PDE11A: variants seen among roughly 807,000 people sequenced by gnomAD.
PDE11A encodes phosphodiesterase 11A.
In PDE11A, 100 loss-of-function variants were observed where a neutral mutation model predicts 100.5. That is an observed-to-expected ratio of 1.00 (90% CI 0.85 to 1.18). PDE11A has a LOEUF of 1.18. PDE11A is among the 50% of genes most tolerant of loss of function. The probability of loss-of-function intolerance (pLI) is 0.00; values close to 1 mark genes in which losing one functional copy is unlikely to be tolerated. For missense variants in PDE11A, 1,141 were observed against 1,152.6 expected (o/e 0.99, Z 0.15); for synonymous variants, 381 against 420.8 (o/e 0.91, Z 1.16).
At chr2:177,994,139 C>T (rs1051333592) in intron 2 of PDE11A, among the ~76,000 whole-genome samples, 2 of 151,960 alleles carry the variant, frequency 1.3e-5, no homozygotes, top group African/African-American at 4.8e-5. Context: ...CTATGTTGGG[C>T]GGGCTGGTCT....
intron 10 of PDE11A, among the ~76,000 whole-genome samples, chr2:177,743,773 G>A (rs563009148): frequency 6.6e-6 from 1 of 152,236 alleles, no homozygotes; most frequent in Admixed American, 6.5e-5. Flanking sequence ...GTAGGGAGTG[G>A]GGTAGAGTAA....
intron 9 of PDE11A, among the ~76,000 whole-genome samples, chr2:177,788,604 G>T (rs1246650221): frequency 1.3e-5 from 2 of 151,758 alleles, no homozygotes; most frequent in South Asian, 2.1e-4. Context: ...CCAGGAGCTG[G>T]TTTTTTCAAA....
chr2:178,092,876 C>A (rs562688683), intron 2 of PDE11A: 1 of 152,330 alleles, frequency 6.6e-6, no homozygotes, highest in East Asian at 1.9e-4. Context: ...GCTGGGATTA[C>A]AGGTGTGAGC....
chr2:177,629,441 G>T lies in PDE11A; in HGVS notation c.2768C>A (p.Ala923Asp), dbSNP rs1234600330. Residue 923 changes from alanine (A) to aspartate (D), a missense_variant, in exon 20 of 20, where the codon GCC becomes GAC. Ala to Asp is a moderately radical substitution (Grantham distance 126). Coordinates refer to ENST00000286063, the MANE Select transcript of PDE11A (RefSeq NM_016953.4). ...GTCTTCCTTGGCTACCATAACACTG[G>T]CAGGGGAGGATGAGGCAGTTGAGGC... is the stretch of plus-strand genomic sequence containing the variant. ...LLASTASSSP[A>D]SVMVAKEDRN 6.5e-7 allele frequency: 1 copy of T among 1,549,034 alleles called. No homozygotes were observed. Among genetic ancestry groups the T allele is most frequent in the Non-Finnish European group, 8.8e-7 (1 of 1,142,680 alleles).
intron 2 of PDE11A, among the ~76,000 whole-genome samples, chr2:177,910,138 G>A (rs1257556944): frequency 6.6e-6 from 1 of 152,138 alleles, no homozygotes; most frequent in Non-Finnish European, 1.5e-5. Context: ...TGCACACTGA[G>A]AGAGAATCTT....
chr2:177,814,422 G>A (rs2105575716), intron 9 of PDE11A, among the ~76,000 whole-genome samples: 1 of 152,216 alleles, frequency 6.6e-6, no homozygotes, highest in Non-Finnish European at 1.5e-5. Context: ...TCTTGCACAT[G>A]GATTCCTAGG....
At chr2:177,771,653 G>A (rs1053651766) in intron 9 of PDE11A, among the ~76,000 whole-genome samples, 2 of 152,142 alleles carry the variant, frequency 1.3e-5, no homozygotes, top group Admixed American at 6.5e-5. Flanking sequence ...TGTATTATAA[G>A]ATCTGCAGCA....
At chr2:177,861,768 T>C (rs2083949773) in intron 5 of PDE11A, among the ~76,000 whole-genome samples, 1 of 151,894 alleles carries the variant, frequency 6.6e-6, no homozygotes, top group Non-Finnish European at 1.5e-5. Flanking sequence ...AACCTATATA[T>C]CTATGGTCAA....
At chr2:177,750,010 A>G (rs1337653502) in intron 10 of PDE11A, among the ~76,000 whole-genome samples, 5 of 152,264 alleles carry the variant, frequency 3.3e-5, no homozygotes, top group South Asian at 2.1e-4. Flanking sequence ...TCAGCTGCAC[A>G]TAAGAAACCT....
chr2:177,941,045 G>A (rs187147475), intron 2 of PDE11A, among the ~76,000 whole-genome samples: 19 of 152,278 alleles, frequency 1.2e-4, no homozygotes, highest in Non-Finnish European at 2.1e-4. Flanking sequence ...ACAACTCCCA[G>A]CTGAACTCCA....
intron 1 of PDE11A, among the ~76,000 whole-genome samples, chr2:178,107,577 C>A (rs767039137): frequency 1.3e-5 from 2 of 151,404 alleles, no homozygotes; most frequent in South Asian, 2.1e-4. Context: ...AAGATGGATA[C>A]CATTAACATC....
rs142279060 is a variant in PDE11A, at chr2:177,728,076, G to T, written c.1885C>A (p.Arg629=). ...ACCATCCCCAGCTCCATGAACATCCGGAGAGCAGCTGTGATCATGGCATCA... is the reference window on the plus strand; with the variant it reads ...ACCATCCCCAGCTCCATGAACATCCTGAGAGCAGCTGTGATCATGGCATCA... The part of the protein sequence containing the change: ...DVDAMITAAL[R]MFMELGMVQK... Residue 629 remains arginine (R), a synonymous_variant, in exon 11 of 20, where the codon CGG becomes AGG. Transcript: ENST00000286063. 4 of 1,612,642 alleles carry T rather than the reference G, an allele frequency of 2.5e-6. No individual in the cohort carries two copies. In the African/African-American group the frequency reaches 4.0e-5, roughly 16 times the overall value.
At chr2:177,879,447 T>C (rs1186779714) in intron 4 of PDE11A, among the ~76,000 whole-genome samples, 1 of 152,226 alleles carries the variant, frequency 6.6e-6, no homozygotes, top group African/African-American at 2.4e-5. Flanking sequence ...AACAAATACG[T>C]ACCGTCTTAT....
intron 5 of PDE11A, among the ~76,000 whole-genome samples, chr2:177,864,636 A>G (rs2083998387): frequency 6.6e-6 from 1 of 152,226 alleles, no homozygotes; most frequent in Admixed American, 6.5e-5. Flanking sequence ...TTGCCCAGCA[A>G]GGATATGGAC....
intron 2 of PDE11A, among the ~76,000 whole-genome samples, chr2:177,968,468 G>A (rs988896169): frequency 6.6e-6 from 1 of 152,154 alleles, no homozygotes; most frequent in East Asian, 1.9e-4. Flanking sequence ...AAGAAAATTT[G>A]TAATTCTGAT....
chr2:178,101,686 G>A (rs2087560566), intron 2 of PDE11A, among the ~76,000 whole-genome samples: 1 of 152,226 alleles, frequency 6.6e-6, no homozygotes, highest in East Asian at 1.9e-4. Context: ...GGTCCCAGGG[G>A]CCAACTATAA....
At chr2:177,707,627 G>A (rs2081299113) in intron 13 of PDE11A, among the ~76,000 whole-genome samples, 1 of 152,054 alleles carries the variant, frequency 6.6e-6, no homozygotes, top group African/African-American at 2.4e-5. Flanking sequence ...CCAAATGGCA[G>A]CCTCAGCTCC....
At chr2:177,919,101 C>CTTTTTTTTT (rs752351240) in intron 2 of PDE11A, among the ~76,000 whole-genome samples, 15 of 148,808 alleles carry the variant, frequency 1.0e-4, no homozygotes, top group African/African-American at 3.7e-4. Flanking sequence ...GAAGATTTAA[C>CTTTTTTTTT]ATTTTTTTTT....
At chr2:178,070,692 C>T (rs1457083150) in intron 1 of PDE11A, among the ~76,000 whole-genome samples, 1 of 152,158 alleles carries the variant, frequency 6.6e-6, no homozygotes, top group African/African-American at 2.4e-5. Context: ...TCAGAAAACC[C>T]AGATGAGAGC....
Sources: allele counts gnomAD v4.1 joint callset (sites outside exome capture counted in the v4.1 genomes callset), GRCh38; gene constraint gnomAD v4.1.1; transcripts MANE v1.5; gene names NCBI Gene and HGNC (gene_info 2026-07-23, HGNC 2026-07-21).